The following GPRC6A variants were observed in gnomAD, a reference collection of about 807,000 sequenced individuals.
GPRC6A encodes G protein-coupled receptor class C group 6 member A.
Under a neutral mutation model 47.0 loss-of-function variants are expected in GPRC6A, and 54 were observed. The ratio of observed to expected loss-of-function variants is 1.15; its 90% CI spans 0.92 to 1.44. The LOEUF (loss-of-function observed/expected upper bound fraction) is 1.44, where lower values mean the gene tolerates loss of function less well. GPRC6A is among the 40% of genes most tolerant of loss of function. The probability of loss-of-function intolerance (pLI) is 0.00; values close to 1 mark genes in which losing one functional copy is unlikely to be tolerated. For missense variants in GPRC6A, 1,112 were observed against 1,105.5 expected, an observed-to-expected ratio of 1.01 and a Z score of -0.08; for synonymous variants, 347 against 377.1, an observed-to-expected ratio of 0.92 and a Z score of 0.93.
chr6:116,800,631 A>T lies in GPRC6A; in HGVS notation c.1501T>A (p.Phe501Ile). 6.2e-7 allele frequency: 1 copy of T among 1,613,562 alleles called. No individual in the cohort carries two copies. The highest frequency in any genetic ancestry group is 8.5e-7 in the Non-Finnish European group (1 of 1,179,634). The change falls in exon 4 of 6, where the codon TTC (phenylalanine) becomes ATC (isoleucine). Residue 501 changes from phenylalanine to isoleucine, a missense_variant. Phe to Ile is a conservative substitution (Grantham distance 21, BLOSUM62 0). Coordinates refer to ENST00000310357, the MANE Select transcript of GPRC6A (RefSeq NM_148963.4). ...MAEYDLQNDV[F>I]IIPDQETKNE... is the part of the protein sequence containing the mutation. The stretch of plus-strand genomic sequence containing the variant: ...TTTGTTTCCTGATCTGGGATGATGA[A>T]GACATCATTCTGTAGGTCATATTCT...
At chr6:116,828,147 T>G (rs1032432762) in intron 1 of GPRC6A, among the ~76,000 whole-genome samples, 6 of 152,080 alleles carry the variant, frequency 3.9e-5, no homozygotes, top group Middle Eastern at 3.2e-3. Flanking sequence ...AAAATTAGCT[T>G]GTCCCAAAAC....
intron 1 of GPRC6A, among the ~76,000 whole-genome samples, chr6:116,811,739 C>T (rs946280121): frequency 6.6e-6 from 1 of 151,554 alleles, no homozygotes; most frequent in African/African-American, 2.4e-5. Flanking sequence ...AAAGCTTCAA[C>T]AATAGATTAG....
chr6:116,825,686 T>C (rs1395895541), intron 1 of GPRC6A, among the ~76,000 whole-genome samples: 3 of 151,736 alleles, frequency 2.0e-5, no homozygotes, highest in Non-Finnish European at 4.4e-5. Flanking sequence ...AATGTCAACA[T>C]CATTTTTCAC....
chr6:116,816,596 G>T lies in GPRC6A; in HGVS notation c.195-6979C>A, dbSNP rs371531359. Among the ~76,000 whole-genome samples the T allele has an allele frequency of 2.0e-5, 3 of 152,252 alleles. No homozygotes were observed. The East Asian group carries it at 5.8e-4, about 29-fold the overall frequency. On this transcript the variant is annotated intron_variant, in intron 1 of 5. Transcript: ENST00000310357. ...TCCCAGCATGAGCGACGCAGAAGACGGGTGATTTCTGCATTTCCATCTGAG... is the reference window on the plus strand; with the variant it reads ...TCCCAGCATGAGCGACGCAGAAGACTGGTGATTTCTGCATTTCCATCTGAG...
At chr6:116,797,985 G>A (rs188011485) in intron 4 of GPRC6A, among the ~76,000 whole-genome samples, 378 of 152,320 alleles carry the variant, frequency 2.5e-3, no homozygotes, top group African/African-American at 8.5e-3. Flanking sequence ...CAGCATTACT[G>A]TGTTCATTCT....
chr6:116,819,120 C>T (rs563953049), intron 1 of GPRC6A, among the ~76,000 whole-genome samples: 1 of 152,136 alleles, frequency 6.6e-6, no homozygotes, highest in African/African-American at 2.4e-5. Context: ...AAGGCCATTA[C>T]ATAATGGTAA....
chr6:116,806,730 C>T lies in GPRC6A; in HGVS notation c.975G>A (p.Gly325=). Residue 325 remains glycine (G), a synonymous_variant, in exon 3 of 6, where the codon GGG becomes GGA. Coordinates refer to ENST00000310357, the MANE Select transcript of GPRC6A (RefSeq NM_148963.4). ...PNVKKIGKVV[G]FAFRRGNISS... ...ATATATTCCCTCTTCTAAAGGCAAA[C>T]CCTACAACTTTGCCAATCTTTTTAA... 1 of 1,613,252 alleles carries T rather than the reference C, an allele frequency of 6.2e-7. No homozygotes were observed. Among genetic ancestry groups the T allele is most frequent in the Non-Finnish European group, 8.5e-7 (1 of 1,179,504 alleles).
rs73765857 is a variant in GPRC6A at position 116,794,040 on chromosome 6, C to T, written c.1673-790G>A. Among the ~76,000 whole-genome samples, 350 of 152,306 alleles carry T rather than the reference C, an allele frequency of 2.3e-3. 1 individual carries two copies. Among genetic ancestry groups the T allele is most frequent in the African/African-American group, 8.2e-3 (343 of 41,582 alleles). On this transcript the variant is annotated intron_variant, in intron 5 of 5. Coordinates refer to ENST00000310357, the MANE Select transcript of GPRC6A (RefSeq NM_148963.4). Reference sequence around the variant, plus strand: ...ATTTATGCTTATTCTGGCTGCAGGGCAGCACAAATACTTGATTTTAGAGTT... The same window carrying T: ...ATTTATGCTTATTCTGGCTGCAGGGTAGCACAAATACTTGATTTTAGAGTT...
intron 1 of GPRC6A, among the ~76,000 whole-genome samples, chr6:116,814,827 C>T (rs1009556817): frequency 1.3e-5 from 2 of 151,858 alleles, no homozygotes; most frequent in East Asian, 1.9e-4. Context: ...ATGCAACTTA[C>T]AAGAAATGCA....
intron 1 of GPRC6A, among the ~76,000 whole-genome samples, chr6:116,828,578 C>T (rs1380479875): frequency 6.6e-6 from 1 of 151,960 alleles, no homozygotes; most frequent in Non-Finnish European, 1.5e-5. Flanking sequence ...AAGGCAAAAT[C>T]TAAATTAATA....
chr6:116,792,773 A>T lies in GPRC6A; in HGVS notation c.2150T>A (p.Val717Asp), dbSNP rs925262357. 1 of 1,613,902 alleles carries T rather than the reference A, an allele frequency of 6.2e-7. No homozygotes were observed. The highest frequency in any genetic ancestry group is 8.5e-7 in the Non-Finnish European group (1 of 1,179,974). ...AAAGATTAGCCAGAGTGTGCAAATG[A>T]CAACCTGGATGCCCGTGCAAGTGAA... ...IIFTCTGIQVVICTLWLIFAA... is the reference protein window; with the variant it reads ...IIFTCTGIQVDICTLWLIFAA... Residue 717 changes from valine to aspartate, a missense_variant, in exon 6 of 6, where the codon GTC (valine) becomes GAC (aspartate). Transcript: ENST00000310357.
At chr6:116,827,444 AGTTGGAACCTCCTTGGT>A (rs1263215492) in intron 1 of GPRC6A, among the ~76,000 whole-genome samples, 1 of 152,014 alleles carries the variant, frequency 6.6e-6, no homozygotes, top group African/African-American at 2.4e-5. Flanking sequence ...GCTCCATTAG[AGTTGGAACCTCCTTGGT>A]GTATTCATGT....
intron 2 of GPRC6A, among the ~76,000 whole-genome samples, chr6:116,808,958 A>G (rs951342213): frequency 2.6e-5 from 4 of 152,306 alleles, no homozygotes; most frequent in Admixed American, 6.5e-5. Context: ...AAACCGTCCC[A>G]GGGCTTACAA....
In GPRC6A at chr6:116,829,078, C is replaced by A; in HGVS notation, c.-65G>T. ...AATCATTAAGTGCACGGAGTGCCAGCAAGATTCCTATTTCACCTGTAAACA... is the reference window on the plus strand; with the variant it reads ...AATCATTAAGTGCACGGAGTGCCAGAAAGATTCCTATTTCACCTGTAAACA... On this transcript the variant is annotated 5_prime_UTR_variant, in exon 1 of 6. Transcript: ENST00000310357. 1.3e-6 allele frequency: 2 copies of A among 1,530,518 alleles called. 1 individual carries two copies. 94.8% of individuals were successfully genotyped at this position (1,530,518 alleles called of 1,614,324 possible). A position where few individuals can be genotyped will look rare whatever the true frequency, so the allele number is the denominator to read the frequency against.
intron 1 of GPRC6A, among the ~76,000 whole-genome samples, chr6:116,820,868 G>A (rs1224882799): frequency 5.9e-5 from 9 of 151,530 alleles, no homozygotes; most frequent in African/African-American, 1.9e-4. Flanking sequence ...GGGCAATTAG[G>A]CAGGAGAAGG....
At chr6:116,812,049 C>G (rs927501920) in intron 1 of GPRC6A, among the ~76,000 whole-genome samples, 1 of 152,144 alleles carries the variant, frequency 6.6e-6, no homozygotes, top group Admixed American at 6.5e-5. Context: ...AGATACAATG[C>G]ACAAATTCTC....
chr6:116,820,776 G>A (rs1262605965), intron 1 of GPRC6A, among the ~76,000 whole-genome samples: 2 of 150,116 alleles, frequency 1.3e-5, no homozygotes, highest in East Asian at 3.9e-4. Context: ...AAAACTGGAA[G>A]CATTCCCTTT....
rs771095672 is a variant in GPRC6A at position 116,792,164 on chromosome 6, C to T, written c.2759G>A (p.Arg920Gln). 52 of 1,612,252 alleles carry T rather than the reference C, an allele frequency of 3.2e-5. No individual in the cohort carries two copies. Among genetic ancestry groups the T allele is most frequent in the East Asian group, 2.7e-4 (12 of 44,886 alleles). ...TATTCATATACTTGACATTCTTTTT[C>T]GAGGCAAAGTTTTAGATACACTTGT... Reference protein sequence around the residue: ...NATSVSKTLPRKRMSSI With the variant: ...NATSVSKTLPQKRMSSI The change falls in exon 6 of 6, where the codon CGA becomes CAA. Residue 920 changes from arginine to glutamine, a missense_variant. Arg to Gln is a conservative substitution (Grantham distance 43). Transcript: ENST00000310357.
intron 1 of GPRC6A, among the ~76,000 whole-genome samples, chr6:116,823,448 A>G (rs928947000): frequency 3.9e-5 from 6 of 152,088 alleles, no homozygotes; most frequent in Non-Finnish European, 8.8e-5. Flanking sequence ...CCTGAACTCC[A>G]TTGTCCATAT....
Sources: allele counts gnomAD v4.1 joint callset (sites outside exome capture counted in the v4.1 genomes callset), GRCh38; gene constraint gnomAD v4.1.1; transcripts MANE v1.5; gene names NCBI Gene and HGNC (gene_info 2026-07-23, HGNC 2026-07-21).